Variants in SPRY4 observed in about 807,000 individuals in gnomAD.
SPRY4 encodes the protein protein sprouty homolog 4.
Under a neutral mutation model 17.0 loss-of-function variants are expected in SPRY4, and 7 were observed. That is an observed-to-expected ratio of 0.41 (90% CI 0.23 to 0.77). The LOEUF (loss-of-function observed/expected upper bound fraction) is 0.77. Ranked by LOEUF, SPRY4 falls within the 30% of genes least tolerant of loss-of-function variation. The probability of loss-of-function intolerance (pLI) is 0.32; values close to 1 mark genes in which losing one functional copy is unlikely to be tolerated. For synonymous variants in SPRY4, 183 were observed against 174.1 expected, an observed-to-expected ratio of 1.05 and a Z score of -0.40; for missense variants, 435 against 419.9, an observed-to-expected ratio of 1.04 and a Z score of -0.31.
At position 142,314,056 on chromosome 5, in the gene SPRY4, G is replaced by C. The variant is rs984721566; in HGVS notation, c.*153C>G. The C allele has an allele frequency of 2.7e-6, 2 of 754,140 alleles. No individual in the cohort carries two copies. Among genetic ancestry groups the C allele is most frequent in the African/African-American group, 3.5e-5 (2 of 56,792 alleles). 46.7% of individuals were successfully genotyped at this position (754,140 alleles called of 1,614,324 possible). On this transcript the variant is annotated 3_prime_UTR_variant, in exon 2 of 2. Transcript: ENST00000434127. This position sits in a 1 kb window ranked among gnomAD's most constrained non-coding sequence, Gnocchi z 4.8. Reference sequence around the variant, plus strand: ...TGGGGAATACAGGGTACGTGGTGGTGGTCTCTGTATTTTCCGAAGCTGGGG... The same window carrying C: ...TGGGGAATACAGGGTACGTGGTGGTCGTCTCTGTATTTTCCGAAGCTGGGG...
chr5:142,316,199 TAATTTCACCGAGAGAGTGC>T (rs1399749583), intron 1 of SPRY4, among the ~76,000 whole-genome samples: 1 of 152,146 alleles, frequency 6.6e-6, no homozygotes, highest in Non-Finnish European at 1.5e-5. Context: ...GATCAGTTTC[TAATTTCACCGAGAGAGTGC>T]AATTTTAAGT....
In SPRY4 at chr5:142,315,049, G is replaced by C; in HGVS notation, c.60C>G (p.Pro20=). ...TGTGGGACATCCGGCTGTCAAGAAG[G>C]GGCTGGACCATGACTGAGTTGGGAG... ...PLTPNSVMVQ[P]LLDSRMSHSR... The change falls in exon 2 of 2, where the codon CCC becomes CCG. Residue 20 remains proline, a synonymous_variant. Transcript: ENST00000434127. The C allele has an allele frequency of 1.2e-6, 2 of 1,613,692 alleles. No homozygotes were observed. The highest frequency in any genetic ancestry group is 1.7e-6 in the Non-Finnish European group (2 of 1,180,006).
intron 1 of SPRY4, among the ~76,000 whole-genome samples, chr5:142,322,119 G>A (rs921248678): frequency 1.3e-5 from 2 of 152,322 alleles, no homozygotes; most frequent in East Asian, 1.9e-4. Flanking sequence ...GGGTGGGTGC[G>A]AACTGGGCAG....
rs2126985677 is a variant in SPRY4, at chr5:142,314,051, GT to G, written c.*157del. On this transcript the variant is annotated 3_prime_UTR_variant, in exon 2 of 2. Coordinates refer to ENST00000434127, the MANE Select transcript of SPRY4 (RefSeq NM_001127496.3). The surrounding 1 kb of genome is among the most constrained non-coding windows in gnomAD (Gnocchi z 4.8). Reference sequence around the variant, plus strand: ...CACCTTGGGGAATACAGGGTACGTGGTGGTGGTCTCTGTATTTTCCGAAGCT... The same window carrying G: ...CACCTTGGGGAATACAGGGTACGTGGGGTGGTCTCTGTATTTTCCGAAGCT... The G allele has an allele frequency of 1.4e-6, 1 of 725,492 alleles. No individual in the cohort carries two copies. Among genetic ancestry groups the G allele is most frequent in the South Asian group, 1.9e-5 (1 of 52,280 alleles). 44.9% of individuals were successfully genotyped at this position (725,492 alleles called of 1,614,324 possible). A position where few individuals can be genotyped will look rare whatever the true frequency, so the allele number is the denominator to read the frequency against.
In SPRY4 at chr5:142,312,022, A is replaced by G. The variant is rs1029039342; in HGVS notation, c.*2187T>C. 1 of 151,576 alleles carries G rather than the reference A, an allele frequency of 6.6e-6. No homozygotes were observed. The highest frequency in any genetic ancestry group is 2.4e-5 in the African/African-American group (1 of 41,058). 9.4% of individuals were successfully genotyped at this position (151,576 alleles called of 1,614,324 possible). ...GGGTGTGTAGACCACCAAGATCACCAAAGTGCAACTTGCCACTGGGTCAAG... is the reference window on the plus strand; with the variant it reads ...GGGTGTGTAGACCACCAAGATCACCGAAGTGCAACTTGCCACTGGGTCAAG... On this transcript the variant is annotated 3_prime_UTR_variant, in exon 2 of 2. Transcript: ENST00000434127.
chr5:142,315,429 C>T (rs771677571), intron 1 of SPRY4: 2 of 393,742 alleles, frequency 5.1e-6, no homozygotes, highest in Non-Finnish European at 9.1e-6. Context: ...AAGCCTAAAA[C>T]GTAACTACTA....
At position 142,314,494 on chromosome 5, in the gene SPRY4, G is replaced by T; in HGVS notation, c.615C>A (p.Gly205=). 1 of 1,614,228 alleles carries T rather than the reference G, an allele frequency of 6.2e-7. No homozygotes were observed. The highest frequency in any genetic ancestry group is 8.5e-7 in the Non-Finnish European group (1 of 1,180,032). ...CCTCATTCGTGCAGTGGTAGAAGAT[G>T]CCCTGCACCAAACACATGCACGTGC... The part of the protein sequence containing the change: ...NYGTCMCLVQ[G]IFYHCTNEDD... Residue 205 remains glycine (G), a synonymous_variant, in exon 2 of 2, where the codon GGC becomes GGA. Coordinates refer to ENST00000434127, the MANE Select transcript of SPRY4 (RefSeq NM_001127496.3). The surrounding 1 kb of genome is among the most constrained non-coding windows in gnomAD (Gnocchi z 4.8).
Position 142,314,492 on chromosome 5 carries a change from A to G in SPRY4, c.617T>C (p.Ile206Thr). 6.2e-7 allele frequency: 1 copy of G among 1,614,204 alleles called. No individual in the cohort carries two copies. The highest frequency in any genetic ancestry group is 8.5e-7 in the Non-Finnish European group (1 of 1,180,040). ...GTCCTCATTCGTGCAGTGGTAGAAG[A>G]TGCCCTGCACCAAACACATGCACGT... ...YGTCMCLVQGIFYHCTNEDDE... is the reference protein window; with the variant it reads ...YGTCMCLVQGTFYHCTNEDDE... Residue 206 changes from isoleucine (I) to threonine (T), a missense_variant, in exon 2 of 2, where the codon ATC becomes ACC. Physicochemically the swap from Ile to Thr is moderately conservative, Grantham distance 89. Transcript: ENST00000434127. The surrounding 1 kb of genome is among the most constrained non-coding windows in gnomAD (Gnocchi z 4.8).
intron 1 of SPRY4, among the ~76,000 whole-genome samples, chr5:142,323,564 A>G (rs1165611080): frequency 6.6e-6 from 1 of 151,722 alleles, no homozygotes; most frequent in East Asian, 1.9e-4. Flanking sequence ...GCAGCTCCCT[A>G]CTCTGCCTAC....
intron 1 of SPRY4, chr5:142,317,584 G>T: frequency 1.0e-6 from 1 of 984,442 alleles, no homozygotes; most frequent in Non-Finnish European, 1.2e-6. Flanking sequence ...TGCTGTGGAA[G>T]AAAGTAAAAG....
At chr5:142,322,137 T>C (rs1373547718) in intron 1 of SPRY4, among the ~76,000 whole-genome samples, 1 of 152,188 alleles carries the variant, frequency 6.6e-6, no homozygotes, top group Non-Finnish European at 1.5e-5. Context: ...CAGGACAGAT[T>C]TCCAAAGAGC....
At position 142,312,518 on chromosome 5, in the gene SPRY4, C is replaced by T. The variant is rs1408217017; in HGVS notation, c.*1691G>A. The T allele has an allele frequency of 1.3e-5, 2 of 152,158 alleles. No individual in the cohort carries two copies. The highest frequency in any genetic ancestry group is 4.8e-5 in the African/African-American group (2 of 41,432). The allele number at this position is 152,158 out of a possible 1,614,324, so 9.4% of individuals were successfully genotyped here. On this transcript the variant is annotated 3_prime_UTR_variant, in exon 2 of 2. Coordinates refer to ENST00000434127, the MANE Select transcript of SPRY4 (RefSeq NM_001127496.3). ...AAGCATTAGGTGCCTATCATAGCTACCTACCTCGCTGCCTCCTTCCCGGAG... is the reference window on the plus strand; with the variant it reads ...AAGCATTAGGTGCCTATCATAGCTATCTACCTCGCTGCCTCCTTCCCGGAG...
Position 142,313,778 on chromosome 5 carries a change from C to A in SPRY4, c.*431G>T. On this transcript the variant is annotated 3_prime_UTR_variant, in exon 2 of 2. Coordinates refer to ENST00000434127, the MANE Select transcript of SPRY4 (RefSeq NM_001127496.3). ...CCTGGTACTCAGTTAACAATTCCTC[C>A]CAGGCAGCTAGCTCCTGTGAGAGCC... 1 of 181,422 alleles carries A rather than the reference C, an allele frequency of 5.5e-6. No individual in the cohort carries two copies. The highest frequency in any genetic ancestry group is 1.2e-5 in the Non-Finnish European group (1 of 85,152). The allele number at this position is 181,422 out of a possible 1,614,324, so 11.2% of individuals were successfully genotyped here.
chr5:142,316,819 C>A (rs1759169325), intron 1 of SPRY4, among the ~76,000 whole-genome samples: 1 of 152,224 alleles, frequency 6.6e-6, no homozygotes, highest in Non-Finnish European at 1.5e-5. Context: ...CAAAAAGCAT[C>A]CAGTCTTTTC....
At position 142,314,814 on chromosome 5, in the gene SPRY4, C is replaced by A. The variant is rs1759083835; in HGVS notation, c.295G>T (p.Val99Leu). Residue 99 changes from valine (V) to leucine (L), a missense_variant, in exon 2 of 2, where the codon GTG becomes TTG. Transcript: ENST00000434127. The surrounding 1 kb of genome is among the most constrained non-coding windows in gnomAD (Gnocchi z 4.8). ...GAGGATGTGCTGCTGCTGCTGCTCA[C>A]AGAGCTGGGGCGCCCGCTGAAGGAG... The part of the protein sequence containing the change: ...WISFSGRPSS[V>L]SSSSSTSSDQ... 1 of 1,591,292 alleles carries A rather than the reference C, an allele frequency of 6.3e-7. No individual in the cohort carries two copies.
chr5:142,319,918 G>A lies in SPRY4; in HGVS notation c.-47-4763C>T, dbSNP rs1170698319. 1.1e-5 allele frequency: 10 copies of A among 894,588 alleles called. No homozygotes were observed. The African/African-American group carries it at 1.2e-4, about 11-fold the overall frequency. 55.4% of individuals were successfully genotyped at this position (894,588 alleles called of 1,614,324 possible). A position where few individuals can be genotyped will look rare whatever the true frequency, so the allele number is the denominator to read the frequency against. On this transcript the variant is annotated intron_variant, in intron 1 of 1. Transcript: ENST00000434127. ...GAGTTGGGAAATATTGGGAAAACCT[G>A]ACAGTTGTACTTTGAAAGCTACAGG...
chr5:142,314,806 G>A lies in SPRY4; in HGVS notation c.303C>T (p.Ser101=), dbSNP rs1759083413. 6.3e-7 allele frequency: 1 copy of A among 1,593,092 alleles called. No individual in the cohort carries two copies. Among genetic ancestry groups the A allele is most frequent in the African/African-American group, 1.3e-5 (1 of 74,564 alleles). The change falls in exon 2 of 2, where the codon AGC becomes AGT. Residue 101 remains serine (S), a synonymous_variant. Transcript: ENST00000434127. This position sits in a 1 kb window ranked among gnomAD's most constrained non-coding sequence, Gnocchi z 4.8. The part of the protein sequence containing the change: ...SFSGRPSSVS[S]SSSTSSDQRL... Reference sequence around the variant, plus strand: ...GTTGGTCAGAGGATGTGCTGCTGCTGCTGCTCACAGAGCTGGGGCGCCCGC... The same window carrying A: ...GTTGGTCAGAGGATGTGCTGCTGCTACTGCTCACAGAGCTGGGGCGCCCGC...
chr5:142,319,886 G>A, intron 1 of SPRY4: 2 of 1,239,664 alleles, frequency 1.6e-6, no homozygotes, highest in South Asian at 3.3e-5. Context: ...ACTTACCCTA[G>A]GGAGGTGAGT....
At chr5:142,319,875 G>A (rs1234383084) in intron 1 of SPRY4, 3 of 1,356,588 alleles carry the variant, frequency 2.2e-6, no homozygotes, top group East Asian at 2.5e-5. Flanking sequence ...CCCTCCCCTT[G>A]ACTTACCCTA....
Sources: allele counts gnomAD v4.1 joint callset (sites outside exome capture counted in the v4.1 genomes callset), GRCh38; gene constraint gnomAD v4.1.1; non-coding constraint Gnocchi (gnomAD v3.1); transcripts MANE v1.5; gene names NCBI Gene and HGNC (gene_info 2026-07-23, HGNC 2026-07-21).